The following ROBO1 variants were observed in gnomAD, a reference collection of about 807,000 sequenced individuals.
The protein encoded by ROBO1 is roundabout guidance receptor 1.
A neutral mutation model predicts 195.9 loss-of-function variants in ROBO1; 149 were observed. The observed-to-expected ratio is 0.76, with a 90% CI of 0.67 to 0.87. The LOEUF (loss-of-function observed/expected upper bound fraction) is 0.87. Among genes scored for constraint, ROBO1 ranks in the 40% least tolerant of loss-of-function variants. The pLI is 0.00. For synonymous variants in ROBO1, 816 were observed against 733.2 expected (o/e 1.11, Z -1.82); for missense variants, 1,933 against 2,068.3 (o/e 0.93, Z 1.27).
intron 2 of ROBO1, among the ~76,000 whole-genome samples, chr3:79,371,685 A>G (rs1217643634): frequency 6.6e-6 from 1 of 152,210 alleles, no homozygotes; most frequent in Non-Finnish European, 1.5e-5. Context: ...AAAATAATGT[A>G]TTTTGAGACT....
intron 27 of ROBO1, 85 bp downstream of exon 27, chr3:78,617,550 A>T: frequency 7.3e-7 from 1 of 1,361,276 alleles, no homozygotes; most frequent in Non-Finnish European, 1.0e-6. Context: ...TTCAAATAGG[A>T]CGTAAGATCA....
At chr3:78,843,721 T>C (rs2033447714) in intron 4 of ROBO1, among the ~76,000 whole-genome samples, 2 of 152,250 alleles carry the variant, frequency 1.3e-5, no homozygotes, top group South Asian at 4.1e-4. Context: ...TTCATAGAAC[T>C]GTAGCAAAAA....
intron 1 of ROBO1, among the ~76,000 whole-genome samples, chr3:79,721,008 G>C (rs1576281408): frequency 6.6e-6 from 1 of 152,054 alleles, no homozygotes; most frequent in Admixed American, 6.6e-5. Context: ...TAGCCACGAT[G>C]GTCTCGATCT....
At chr3:79,281,025 T>A (rs997612873) in intron 2 of ROBO1, among the ~76,000 whole-genome samples, 1 of 152,030 alleles carries the variant, frequency 6.6e-6, no homozygotes, top group South Asian at 2.1e-4. Context: ...AAATAATAAA[T>A]AAAAAAGAAT....
chr3:78,945,774 A>G (rs946227681), intron 3 of ROBO1, among the ~76,000 whole-genome samples: 2 of 152,180 alleles, frequency 1.3e-5, no homozygotes, highest in Admixed American at 6.5e-5. Context: ...GCTTTGAAAA[A>G]ATATTAGATG....
At chr3:79,549,690 C>A (rs1430121928) in intron 2 of ROBO1, among the ~76,000 whole-genome samples, 1 of 152,118 alleles carries the variant, frequency 6.6e-6, no homozygotes, top group African/African-American at 2.4e-5. Context: ...CTATCAAGAA[C>A]TTGAGCATCC....
At chr3:78,686,480 G>A (rs529220830) in intron 9 of ROBO1, among the ~76,000 whole-genome samples, 24 of 151,490 alleles carry the variant, frequency 1.6e-4, no homozygotes, top group East Asian at 3.9e-4. Flanking sequence ...GCGTGAACCC[G>A]GGAGGCGGAG....
chr3:79,091,894 T>G (rs1302392172), intron 3 of ROBO1, among the ~76,000 whole-genome samples: 1 of 151,488 alleles, frequency 6.6e-6, no homozygotes, highest in Non-Finnish European at 1.5e-5. Flanking sequence ...AATGATAGAG[T>G]AGAATAGGTC....
At chr3:79,463,827 A>G (rs1052112051) in intron 2 of ROBO1, among the ~76,000 whole-genome samples, 2 of 152,176 alleles carry the variant, frequency 1.3e-5, no homozygotes, top group African/African-American at 4.8e-5. Flanking sequence ...ATACAACCCC[A>G]TGGTTTTTAT....
chr3:79,417,696 T>C (rs1317584671), intron 2 of ROBO1, among the ~76,000 whole-genome samples: 1 of 152,158 alleles, frequency 6.6e-6, no homozygotes, highest in Non-Finnish European at 1.5e-5. Flanking sequence ...AACATCACTG[T>C]CGAATCTCTT....
chr3:79,029,123 C>G (rs1159325761), intron 3 of ROBO1, among the ~76,000 whole-genome samples: 2 of 151,992 alleles, frequency 1.3e-5, no homozygotes, highest in African/African-American at 4.8e-5. Context: ...AGGGATCAAC[C>G]TATCTGTGTA....
chr3:79,411,664 T>C (rs1170459676), intron 2 of ROBO1, among the ~76,000 whole-genome samples: 1 of 152,174 alleles, frequency 6.6e-6, no homozygotes, highest in Non-Finnish European at 1.5e-5. Context: ...GTCCCAGGAA[T>C]TCTAAGAGTT....
intron 2 of ROBO1, among the ~76,000 whole-genome samples, chr3:79,345,760 A>T (rs1005587555): frequency 7.9e-5 from 12 of 152,144 alleles, no homozygotes; most frequent in Non-Finnish European, 1.3e-4. Context: ...CCTGCCATAC[A>T]TTCCAGGGTA....
chr3:79,523,737 G>A (rs1288079330), intron 2 of ROBO1, among the ~76,000 whole-genome samples: 1 of 152,076 alleles, frequency 6.6e-6, no homozygotes, highest in Non-Finnish European at 1.5e-5. Flanking sequence ...GCCTCCCAAA[G>A]TGCTGGGATT....
At chr3:79,199,514 C>T (rs1343023615) in intron 2 of ROBO1, among the ~76,000 whole-genome samples, 9 of 151,650 alleles carry the variant, frequency 5.9e-5, no homozygotes, top group African/African-American at 1.9e-4. Context: ...CCTTCTTTAA[C>T]GTGTTCCTGA....
intron 3 of ROBO1, among the ~76,000 whole-genome samples, chr3:79,053,155 C>A (rs182420434): frequency 6.6e-6 from 1 of 151,866 alleles, no homozygotes. Flanking sequence ...TTGATACGTG[C>A]CATCCTAATG....
intron 2 of ROBO1, among the ~76,000 whole-genome samples, chr3:79,559,798 T>C (rs916439132): frequency 6.6e-6 from 1 of 152,058 alleles, no homozygotes; most frequent in Admixed American, 6.6e-5. Flanking sequence ...GCACCTGTTA[T>C]CCCAGCTACT....
intron 4 of ROBO1, among the ~76,000 whole-genome samples, chr3:78,926,814 A>G (rs2039247592): frequency 6.6e-6 from 1 of 152,220 alleles, no homozygotes; most frequent in African/African-American, 2.4e-5. Flanking sequence ...AGAAAGACTC[A>G]GCCAGATGAA....
At chr3:79,493,939 G>A (rs1293305508) in intron 2 of ROBO1, among the ~76,000 whole-genome samples, 1 of 151,972 alleles carries the variant, frequency 6.6e-6, no homozygotes, top group African/African-American at 2.4e-5. Flanking sequence ...ATACTAGATC[G>A]TATTCATTGT....
Sources: gnomAD v4.1 joint callset for allele counts (sites outside exome capture counted in the v4.1 genomes callset) on GRCh38, gnomAD v4.1.1 for gene constraint, MANE v1.5 for transcripts, NCBI Gene and HGNC (gene_info 2026-07-23, HGNC 2026-07-21) for gene names.